Variants in TTC3 observed in about 807,000 individuals in gnomAD.
The protein encoded by TTC3 is tetratricopeptide repeat domain 3, also known as E3 ubiquitin-protein ligase TTC3.
In TTC3, 180 loss-of-function variants were observed where a neutral mutation model predicts 249.6. The observed-to-expected ratio is 0.72, with a 90% CI of 0.64 to 0.82. TTC3 has a LOEUF of 0.82. TTC3 is among the 40% of genes least tolerant of loss of function. The pLI, the probability that TTC3 is intolerant of heterozygous loss-of-function variation, is 0.00. For synonymous variants in TTC3, 717 were observed against 805.0 expected (o/e 0.89, Z 1.85); for missense variants, 2,061 against 2,398.4 (o/e 0.86, Z 2.94).
chr21:37,186,535 A>G (rs2083302552), intron 37 of TTC3, among the ~76,000 whole-genome samples: 1 of 152,158 alleles, frequency 6.6e-6, no homozygotes, highest in Non-Finnish European at 1.5e-5. Flanking sequence ...ACCATCTCCC[A>G]GCTCAAGCAA....
exon 37 of TTC3, chr21:37,185,707 T>G (rs2083188510): frequency 6.5e-7 from 1 of 1,543,286 alleles, no homozygotes; most frequent in Non-Finnish European, 8.7e-7. Context: ...CTTTTATAGG[T>G]ATACCCAGAA....
intron 8 of TTC3, among the ~76,000 whole-genome samples, chr21:37,094,526 A>C (rs1021991711): frequency 6.6e-6 from 1 of 152,174 alleles, no homozygotes; most frequent in Middle Eastern, 3.2e-3. Flanking sequence ...TTTCTCTAGC[A>C]CCTTTCATAT....
intron 20 of TTC3, among the ~76,000 whole-genome samples, chr21:37,143,597 G>A (rs1362273971): frequency 6.6e-6 from 1 of 151,574 alleles, no homozygotes; most frequent in African/African-American, 2.4e-5. Context: ...GAAACAACAG[G>A]TGCTGGAGAG....
At chr21:37,096,432 A>G (rs2073949495) in intron 9 of TTC3, 149 bp from the exon 10 acceptor site, 2 of 544,340 alleles carry the variant, frequency 3.7e-6, no homozygotes, top group African/African-American at 3.9e-5. Flanking sequence ...GGACTTCGCC[A>G]GTTAAGACTC....
At chr21:37,122,612 C>T (rs1601597711) in intron 12 of TTC3, among the ~76,000 whole-genome samples, 1 of 151,676 alleles carries the variant, frequency 6.6e-6, no homozygotes, top group Non-Finnish European at 1.5e-5. Context: ...GCTTTTTCTT[C>T]TTCGGGTTGT....
intron 7 of TTC3, among the ~76,000 whole-genome samples, chr21:37,092,925 G>A (rs1266611697): frequency 2.0e-5 from 3 of 151,868 alleles, no homozygotes; most frequent in African/African-American, 7.3e-5. Context: ...TATAATAATA[G>A]TGTTTCAAAT....
At chr21:37,120,802 G>T (rs1303355136) in intron 11 of TTC3, among the ~76,000 whole-genome samples, 1 of 152,178 alleles carries the variant, frequency 6.6e-6, no homozygotes, top group African/African-American at 2.4e-5. Flanking sequence ...GTGAAAAGCT[G>T]ATCCTTCTTA....
At chr21:37,195,724 T>C (rs753264236) in exon 42 of TTC3, 1 of 1,613,932 alleles carries the variant, frequency 6.2e-7, no homozygotes, top group African/African-American at 1.3e-5. Flanking sequence ...GGCCAAGGGC[T>C]TGTGACTTCT....
At chr21:37,081,668 C>G (rs1184394897) in intron 1 of TTC3, 3 of 152,044 alleles carry the variant, frequency 2.0e-5, no homozygotes, top group South Asian at 2.1e-4. Context: ...TATATATACA[C>G]TAAACTGTTT....
At chr21:37,087,737 C>T (rs1010746955) in intron 2 of TTC3, 96 bp from the exon 3 acceptor site, 3 of 947,274 alleles carry the variant, frequency 3.2e-6, no homozygotes, top group African/African-American at 3.4e-5. Flanking sequence ...TAAATAAATG[C>T]CCACTGAAAG....
At chr21:37,198,802 T>TCA (rs1256153784) in intron 44 of TTC3, among the ~76,000 whole-genome samples, 4 of 152,232 alleles carry the variant, frequency 2.6e-5, no homozygotes, top group African/African-American at 9.6e-5. Context: ...AATACGCTAG[T>TCA]CACACTTTGT....
rs375330478 is a variant in TTC3, at chr21:37,096,570, A to G, written c.783-11A>G. ...ATGTGCTTTACTGACTAAACATTGT[A>G]TCTTTTTAAGACCTGAAAACTACCT... On this transcript the variant is annotated splice_polypyrimidine_tract_variant and intron_variant, in intron 9 of 45. Transcript: ENST00000355666. The G allele has an allele frequency of 8.3e-5, 133 of 1,600,598 alleles. No individual in the cohort carries two copies. The highest frequency in any genetic ancestry group is 1.1e-4 in the Non-Finnish European group (131 of 1,170,006).
intron 7 of TTC3, 97 bp downstream of exon 7, chr21:37,091,510 A>G (rs1268878923): frequency 1.8e-5 from 20 of 1,108,246 alleles, no homozygotes; most frequent in Non-Finnish European, 2.2e-5. Flanking sequence ...TTATCTTAGA[A>G]TTTAAAAAAA....
chr21:37,118,318 G>A (rs745862261), intron 11 of TTC3, among the ~76,000 whole-genome samples: 4 of 152,132 alleles, frequency 2.6e-5, no homozygotes, highest in Non-Finnish European at 5.9e-5. Flanking sequence ...GTGAGGGTAG[G>A]ACATTTTTTT....
chr21:37,082,335 T>A (rs1045647668), intron 1 of TTC3: 3 of 255,142 alleles, frequency 1.2e-5, no homozygotes, highest in Non-Finnish European at 1.8e-5. Context: ...AATTTATTGC[T>A]TTTTTGTTTT....
At chr21:37,132,370 G>A (rs892353075) in intron 16 of TTC3, among the ~76,000 whole-genome samples, 7 of 146,994 alleles carry the variant, frequency 4.8e-5, no homozygotes, top group African/African-American at 7.6e-5. Context: ...TTGCTCTGTC[G>A]CCCAGGCTGG....
At chr21:37,188,447 C>CA (rs780348709) in intron 38 of TTC3, 48 bp from the exon 39 acceptor site, 1 of 1,442,372 alleles carries the variant, frequency 6.9e-7, no homozygotes, top group African/African-American at 1.4e-5. Flanking sequence ...AAAATAGTTT[C>CA]AGGCTGTCAT....
intron 11 of TTC3, among the ~76,000 whole-genome samples, chr21:37,110,434 G>A (rs976375401): frequency 9.9e-5 from 15 of 152,170 alleles, no homozygotes; most frequent in African/African-American, 3.1e-4. Flanking sequence ...TAACCGATGC[G>A]ATCAACTGGA....
exon 38 of TTC3, chr21:37,187,089 A>G (rs375751921): frequency 1.9e-6 from 3 of 1,570,352 alleles, no homozygotes; most frequent in African/African-American, 1.4e-5. Flanking sequence ...AGAAGAGTAT[A>G]TAAAGAAAGG....
Sources: allele counts gnomAD v4.1 joint callset (sites outside exome capture counted in the v4.1 genomes callset), GRCh38; gene constraint gnomAD v4.1.1; transcripts MANE v1.5; gene names NCBI Gene and HGNC (gene_info 2026-07-23, HGNC 2026-07-21).